SNTB1: variants seen among roughly 807,000 people sequenced by gnomAD.
SNTB1 encodes the protein beta-1-syntrophin.
Under a neutral mutation model 48.9 loss-of-function variants are expected in SNTB1, and 36 were observed. That is an observed-to-expected ratio of 0.74 (90% CI 0.56 to 0.97). SNTB1 has a LOEUF of 0.97. Among genes scored for constraint, SNTB1 ranks in the 50% least tolerant of loss-of-function variants. The pLI is 0.00. For synonymous variants in SNTB1, 299 were observed against 294.6 expected, an observed-to-expected ratio of 1.01 and a Z score of -0.15; for missense variants, 786 against 703.4, an observed-to-expected ratio of 1.12 and a Z score of -1.33.
At chr8:120,613,856 C>T (rs1365107849) in intron 3 of SNTB1, among the ~76,000 whole-genome samples, 3 of 152,130 alleles carry the variant, frequency 2.0e-5, no homozygotes, top group East Asian at 1.9e-4. Flanking sequence ...GTGGACTCTT[C>T]GTTTTCTTTT....
chr8:120,620,755 G>A (rs1429386178), intron 3 of SNTB1, among the ~76,000 whole-genome samples: 1 of 136,492 alleles, frequency 7.3e-6, no homozygotes, highest in East Asian at 2.4e-4. Flanking sequence ...GCACACAAAA[G>A]TGAATGTCTG....
intron 3 of SNTB1, among the ~76,000 whole-genome samples, chr8:120,598,075 T>C (rs1208715503): frequency 6.6e-6 from 1 of 152,198 alleles, no homozygotes; most frequent in Non-Finnish European, 1.5e-5. Context: ...TTCTGCTCAC[T>C]GGGAAAACTA....
At chr8:120,724,225 A>G (rs1818716845) in intron 1 of SNTB1, among the ~76,000 whole-genome samples, 1 of 152,232 alleles carries the variant, frequency 6.6e-6, no homozygotes, top group Admixed American at 6.5e-5. Context: ...TAATATGGCC[A>G]GTCCCAGCTC....
chr8:120,644,989 C>T (rs987424425), intron 2 of SNTB1, among the ~76,000 whole-genome samples: 76 of 150,926 alleles, frequency 5.0e-4, no homozygotes, highest in Middle Eastern at 3.4e-3. Flanking sequence ...TCATGTCCTT[C>T]GCCCACTTTT....
chr8:120,787,486 C>A (rs1819943668), intron 1 of SNTB1, among the ~76,000 whole-genome samples: 2 of 151,648 alleles, frequency 1.3e-5, no homozygotes, highest in South Asian at 4.2e-4. Flanking sequence ...ATTTCAAAAA[C>A]AATTCAGGAT....
chr8:120,624,552 A>G (rs1450937626), intron 3 of SNTB1, among the ~76,000 whole-genome samples: 1 of 152,208 alleles, frequency 6.6e-6, no homozygotes, highest in Non-Finnish European at 1.5e-5. Flanking sequence ...CTGTAGACTA[A>G]GTTTCTAACA....
intron 1 of SNTB1, among the ~76,000 whole-genome samples, chr8:120,788,788 A>G (rs1472080858): frequency 6.6e-6 from 1 of 152,082 alleles, no homozygotes; most frequent in East Asian, 1.9e-4. Context: ...CAGCACAATA[A>G]TAGTGGAGGA....
At chr8:120,728,869 A>T (rs921382378) in intron 1 of SNTB1, among the ~76,000 whole-genome samples, 2 of 152,168 alleles carry the variant, frequency 1.3e-5, no homozygotes, top group African/African-American at 4.8e-5. Context: ...ATTTTAAGTT[A>T]TTTAAGAAAT....
intron 1 of SNTB1, among the ~76,000 whole-genome samples, chr8:120,734,516 G>T (rs550732473): frequency 3.3e-5 from 5 of 151,824 alleles, no homozygotes; most frequent in Admixed American, 2.6e-4. Flanking sequence ...CTTGCTATGC[G>T]CCAGGCTTTA....
intron 1 of SNTB1, among the ~76,000 whole-genome samples, chr8:120,810,179 A>G (rs1249372028): frequency 1.3e-5 from 2 of 152,232 alleles, no homozygotes; most frequent in Non-Finnish European, 2.9e-5. Flanking sequence ...AAAAGACTCC[A>G]GATACCGCAA....
chr8:120,792,780 A>T (rs73707122), intron 1 of SNTB1, among the ~76,000 whole-genome samples: 2,442 of 152,144 alleles, frequency 0.016, 56 homozygotes, highest in African/African-American at 0.056. Flanking sequence ...GATGTTGTAC[A>T]CTACCTGATT....
intron 3 of SNTB1, among the ~76,000 whole-genome samples, chr8:120,619,574 A>G (rs922747960): frequency 1.3e-5 from 2 of 152,184 alleles, no homozygotes; most frequent in Non-Finnish European, 2.9e-5. Flanking sequence ...CATTTCACAC[A>G]GTGCATTCTG....
At chr8:120,747,329 C>T (rs184847348) in intron 1 of SNTB1, among the ~76,000 whole-genome samples, 121 of 152,244 alleles carry the variant, frequency 7.9e-4, no homozygotes, top group African/African-American at 2.7e-3. Context: ...CTTGGTCTGT[C>T]GCCCAGGCTG....
Position 120,588,446 on chromosome 8 carries a change from C to T in SNTB1, c.997-13221G>A, listed in dbSNP as rs140326986. On this transcript the variant is annotated intron_variant, in intron 3 of 6. Transcript: ENST00000517992. ...TTAGAGAAATTGTAAAACTGTGTTC[C>T]AAGGACCAAGTGAGAAACAAATTCT... Among the ~76,000 whole-genome samples the T allele has an allele frequency of 8.2e-4, 125 of 151,722 alleles. 1 individual carries two copies. Among genetic ancestry groups the T allele is most frequent in the Non-Finnish European group, 1.6e-3 (110 of 67,940 alleles).
Position 120,625,269 on chromosome 8 carries a change from G to A in SNTB1, c.996+7175C>T, listed in dbSNP as rs140309418. 2.3e-3 allele frequency among the ~76,000 whole-genome samples: 343 copies of A among 152,286 alleles called. 1 individual carries two copies. The highest frequency in any genetic ancestry group is 8.0e-3 in the African/African-American group (331 of 41,572). On this transcript the variant is annotated intron_variant, in intron 3 of 6. Transcript: ENST00000517992. ...CATAGCACCATGTGGCCAGGCACAG[G>A]GGGCTTTCTATCTCAAGTTCTATGG...
intron 5 of SNTB1, among the ~76,000 whole-genome samples, chr8:120,542,805 T>C (rs1372526108): frequency 1.3e-5 from 2 of 152,036 alleles, no homozygotes; most frequent in African/African-American, 4.8e-5. Flanking sequence ...TTAACTAACG[T>C]AAATACATAA....
chr8:120,670,552 CAGA>C (rs1414977417), intron 2 of SNTB1, among the ~76,000 whole-genome samples: 3 of 152,280 alleles, frequency 2.0e-5, no homozygotes, highest in African/African-American at 7.2e-5. Context: ...TGATTGTAAG[CAGA>C]AGATGTCACT....
At chr8:120,671,505 A>C (rs1039159968) in intron 2 of SNTB1, among the ~76,000 whole-genome samples, 17 of 152,218 alleles carry the variant, frequency 1.1e-4, no homozygotes, top group Admixed American at 3.3e-4. Flanking sequence ...CCAAGGATTA[A>C]AATACCAAGC....
In SNTB1 at chr8:120,536,399, A is replaced by C. The variant is rs1215895451; in HGVS notation, c.*2478T>G. The stretch of plus-strand genomic sequence containing the variant: ...CTCGGTTGATTCATTGACTGTACCC[A>C]AGCATGATCCAGACTTATGAGTTTG... On this transcript the variant is annotated 3_prime_UTR_variant, in exon 7 of 7. Coordinates refer to ENST00000517992, the MANE Select transcript of SNTB1 (RefSeq NM_021021.4). The C allele has an allele frequency of 6.6e-6, 1 of 152,222 alleles. No homozygotes were observed. The highest frequency in any genetic ancestry group is 1.5e-5 in the Non-Finnish European group (1 of 68,030). The allele number at this position is 152,222 out of a possible 1,614,324, so 9.4% of individuals were successfully genotyped here.
Sources: allele counts gnomAD v4.1 joint callset (sites outside exome capture counted in the v4.1 genomes callset), GRCh38; gene constraint gnomAD v4.1.1; transcripts MANE v1.5; gene names NCBI Gene and HGNC (gene_info 2026-07-23, HGNC 2026-07-21).